The following ANKRD11 variants were observed in gnomAD, a reference collection of about 807,000 sequenced individuals.
ANKRD11 encodes ankyrin repeat domain 11, also known as ankyrin repeat domain-containing protein 11.
In ANKRD11, 17 loss-of-function variants were observed where a neutral mutation model predicts 195.7. The observed-to-expected ratio is 0.09, with a 90% CI of 0.06 to 0.13. The LOEUF (loss-of-function observed/expected upper bound fraction) is 0.13. Ranked by LOEUF, ANKRD11 falls within the 10% of genes least tolerant of loss-of-function variation. ANKRD11 has a pLI of 1.00. For missense variants in ANKRD11, 3,735 were observed against 3,566.1 expected, an observed-to-expected ratio of 1.05 and a Z score of -1.21; for synonymous variants, 1,953 against 1,528.1, an observed-to-expected ratio of 1.28 and a Z score of -6.49.
chr16:89,366,700 C>G (rs2039965375), intron 2 of ANKRD11, among the ~76,000 whole-genome samples: 1 of 152,216 alleles, frequency 6.6e-6, no homozygotes, highest in African/African-American at 2.4e-5. Flanking sequence ...AGGTGCGGCA[C>G]AGTCAACTGG....
intron 3 of ANKRD11, among the ~76,000 whole-genome samples, chr16:89,314,517 C>T (rs1368675558): frequency 6.6e-6 from 1 of 152,212 alleles, no homozygotes; most frequent in African/African-American, 2.4e-5. Context: ...GCCAACACGA[C>T]CTGCTCTCTG....
intron 2 of ANKRD11, among the ~76,000 whole-genome samples, chr16:89,343,346 CA>C (rs2038784973): frequency 6.6e-6 from 1 of 152,180 alleles, no homozygotes; most frequent in South Asian, 2.1e-4. Context: ...GAAAAATTGA[CA>C]TTTAGTTATA....
intron 4 of ANKRD11, among the ~76,000 whole-genome samples, chr16:89,292,466 C>T (rs889740420): frequency 5.3e-5 from 8 of 152,186 alleles, no homozygotes; most frequent in African/African-American, 1.9e-4. Flanking sequence ...AGGACGCTGC[C>T]CACCCACTCT....
intron 4 of ANKRD11, among the ~76,000 whole-genome samples, chr16:89,292,986 C>T (rs576016534): frequency 3.9e-5 from 6 of 152,200 alleles, no homozygotes; most frequent in Non-Finnish European, 5.9e-5. Context: ...AAAGAGGCGA[C>T]GAAGCTGCTG....
intron 2 of ANKRD11, among the ~76,000 whole-genome samples, chr16:89,321,806 G>A (rs1384816393): frequency 1.3e-5 from 2 of 152,158 alleles, no homozygotes; most frequent in Non-Finnish European, 2.9e-5. Context: ...TGCACTGCGT[G>A]GGTTCACTTA....
Position 89,290,999 on chromosome 16 carries a change from C to G in ANKRD11, c.397+14G>C. 3.1e-6 allele frequency: 5 copies of G among 1,610,706 alleles called. No homozygotes were observed. The highest frequency in any genetic ancestry group is 4.2e-6 in the Non-Finnish European group (5 of 1,179,754). On this transcript the variant is annotated intron_variant, in intron 5 of 12. Coordinates refer to ENST00000301030, the MANE Select transcript of ANKRD11 (RefSeq NM_013275.6). ...CCTTCCCTGCGCCAGGGACCACCCA[C>G]AGGCCGGGCTCACCTGGGCTGTTGG...
intron 4 of ANKRD11, chr16:89,297,560 G>T (rs1470030498): frequency 6.6e-6 from 1 of 152,208 alleles, no homozygotes; most frequent in Non-Finnish European, 1.5e-5. Flanking sequence ...CGATCTACAC[G>T]AGGCGGATGG....
intron 2 of ANKRD11, among the ~76,000 whole-genome samples, chr16:89,333,330 A>C (rs2038164795): frequency 6.6e-6 from 1 of 152,186 alleles, no homozygotes; most frequent in South Asian, 2.1e-4. Context: ...TCCCCACGAG[A>C]GTGGCCGTTT....
At chr16:89,393,633 C>T (rs948504981) in intron 2 of ANKRD11, among the ~76,000 whole-genome samples, 3 of 151,892 alleles carry the variant, frequency 2.0e-5, no homozygotes, top group Admixed American at 1.3e-4. Context: ...GAAGCCACTG[C>T]GCCCGGCCTA....
At chr16:89,289,601 G>C (rs1290486640) in intron 6 of ANKRD11, among the ~76,000 whole-genome samples, 2 of 152,218 alleles carry the variant, frequency 1.3e-5, no homozygotes, top group Non-Finnish European at 2.9e-5. Flanking sequence ...CCAGTCCAGG[G>C]TGTCGACCCA....
intron 1 of ANKRD11, among the ~76,000 whole-genome samples, chr16:89,469,731 T>C (rs1487172158): frequency 4.0e-5 from 6 of 149,704 alleles, no homozygotes; most frequent in Admixed American, 1.3e-4. Flanking sequence ...ACCCCGTCTC[T>C]ACTAAAAATG....
At chr16:89,411,690 G>A (rs1011786011) in intron 2 of ANKRD11, among the ~76,000 whole-genome samples, 24 of 151,978 alleles carry the variant, frequency 1.6e-4, no homozygotes, top group South Asian at 6.2e-4. Flanking sequence ...CTGGGATTAC[G>A]GCCAGTTTAC....
At chr16:89,301,526 C>T (rs886331839) in intron 4 of ANKRD11, 2 of 398,662 alleles carry the variant, frequency 5.0e-6, no homozygotes, top group Admixed American at 4.4e-5. Context: ...TGAGAGGGCT[C>T]GGTGGGCAGA....
chr16:89,470,978 G>A (rs1431547670), intron 1 of ANKRD11, among the ~76,000 whole-genome samples: 1 of 152,048 alleles, frequency 6.6e-6, no homozygotes, highest in Non-Finnish European at 1.5e-5. Context: ...GGGCGACAGA[G>A]CGAGACTCTG....
chr16:89,356,803 G>GA (rs1303057644), intron 2 of ANKRD11, among the ~76,000 whole-genome samples: 4 of 143,296 alleles, frequency 2.8e-5, no homozygotes, highest in Non-Finnish European at 4.6e-5. Context: ...AAAGAAAAAA[G>GA]AAAAAAAAAG....
At chr16:89,463,210 TGG>T (rs2056760893) in intron 1 of ANKRD11, among the ~76,000 whole-genome samples, 2 of 152,176 alleles carry the variant, frequency 1.3e-5, no homozygotes, top group East Asian at 3.8e-4. Flanking sequence ...ATGATGACAG[TGG>T]CGGTTTTGTG....
At chr16:89,320,102 G>A (rs1010532583) in intron 2 of ANKRD11, 3 of 152,388 alleles carry the variant, frequency 2.0e-5, no homozygotes, top group East Asian at 1.9e-4. Context: ...ACTCATGGGT[G>A]TTGTCTGAGG....
At chr16:89,287,863 CCAG>C (rs1403821836) in intron 7 of ANKRD11, 2 of 293,040 alleles carry the variant, frequency 6.8e-6, no homozygotes, top group Non-Finnish European at 1.3e-5. Context: ...ACGACGGGCA[CCAG>C]CAGATGTGGC....
intron 2 of ANKRD11, among the ~76,000 whole-genome samples, chr16:89,374,018 T>G (rs1224024008): frequency 6.6e-6 from 1 of 152,166 alleles, no homozygotes; most frequent in Non-Finnish European, 1.5e-5. Flanking sequence ...GGACAGGAGC[T>G]CCGCACTTCT....
Sources: gnomAD v4.1 joint callset for allele counts (sites outside exome capture counted in the v4.1 genomes callset) on GRCh38, gnomAD v4.1.1 for gene constraint, MANE v1.5 for transcripts, NCBI Gene and HGNC (gene_info 2026-07-23, HGNC 2026-07-21) for gene names.